Variants in KCND2 observed in about 807,000 individuals in gnomAD.
KCND2 encodes A-type voltage-gated potassium channel KCND2.
Under a neutral mutation model 54.4 loss-of-function variants are expected in KCND2, and 16 were observed. That is an observed-to-expected ratio of 0.29 (90% confidence interval 0.20 to 0.45). KCND2 has a LOEUF of 0.45. Among genes scored for constraint, KCND2 ranks in the 20% least tolerant of loss-of-function variants. The probability of loss-of-function intolerance (pLI) is 1.00; values close to 1 mark genes in which losing one functional copy is unlikely to be tolerated. For synonymous variants in KCND2, 317 were observed against 310.7 expected (o/e 1.02, Z -0.21); for missense variants, 486 against 824.2 (o/e 0.59, Z 5.02).
At chr7:120,569,007 C>A (rs1792331764) in intron 1 of KCND2, among the ~76,000 whole-genome samples, 1 of 151,972 alleles carries the variant, frequency 6.6e-6, no homozygotes, top group East Asian at 1.9e-4. Context: ...GCACCCCCAG[C>A]ACTTGCAAAG....
intron 1 of KCND2, among the ~76,000 whole-genome samples, chr7:120,629,408 C>T (rs897813624): frequency 6.6e-6 from 1 of 152,072 alleles, no homozygotes; most frequent in South Asian, 2.1e-4. Flanking sequence ...ATGGCGTGAA[C>T]CCGGGAGGCG....
At chr7:120,507,517 T>G (rs534507393) in intron 1 of KCND2, among the ~76,000 whole-genome samples, 7 of 152,056 alleles carry the variant, frequency 4.6e-5, no homozygotes, top group African/African-American at 1.7e-4. Context: ...GAATGTGCAA[T>G]TTATAAATTT....
intron 1 of KCND2, among the ~76,000 whole-genome samples, chr7:120,491,697 C>T (rs1584799890): frequency 1.3e-5 from 2 of 151,894 alleles, no homozygotes; most frequent in Admixed American, 1.3e-4. Flanking sequence ...AAAATGAATT[C>T]TGAAAACTGT....
intron 1 of KCND2, among the ~76,000 whole-genome samples, chr7:120,719,061 A>G (rs940036799): frequency 2.0e-5 from 3 of 152,148 alleles, no homozygotes; most frequent in Non-Finnish European, 4.4e-5. Flanking sequence ...TAGAAACTAG[A>G]TACGTTTTTG....
chr7:120,737,316 AC>A (rs1270544346), intron 2 of KCND2, among the ~76,000 whole-genome samples: 3 of 152,008 alleles, frequency 2.0e-5, no homozygotes, highest in Admixed American at 6.6e-5. Flanking sequence ...ACTTGCTAGA[AC>A]CTGAGAATGA....
At chr7:120,578,913 GTC>G (rs1400683890) in intron 1 of KCND2, among the ~76,000 whole-genome samples, 1 of 127,982 alleles carries the variant, frequency 7.8e-6, no homozygotes, top group Non-Finnish European at 1.6e-5. Flanking sequence ...GCAAGACCCT[GTC>G]TCACACACAC....
chr7:120,703,673 G>A (rs560765569), intron 1 of KCND2, among the ~76,000 whole-genome samples: 1 of 152,300 alleles, frequency 6.6e-6, no homozygotes, highest in South Asian at 2.1e-4. Flanking sequence ...GAGTGAGAAA[G>A]TAGCTATTTA....
At chr7:120,747,383 C>G (rs1042563196) in intron 5 of KCND2, among the ~76,000 whole-genome samples, 3 of 152,042 alleles carry the variant, frequency 2.0e-5, no homozygotes, top group Non-Finnish European at 4.4e-5. Flanking sequence ...CTTTGCTCAG[C>G]CCAGGCTGTC....
chr7:120,653,983 C>T (rs1791770742), intron 1 of KCND2, among the ~76,000 whole-genome samples: 1 of 152,202 alleles, frequency 6.6e-6, no homozygotes, highest in Non-Finnish European at 1.5e-5. Context: ...CGTTTTCTCT[C>T]TACCCAGCTT....
chr7:120,552,205 A>G (rs975203945), intron 1 of KCND2, among the ~76,000 whole-genome samples: 1 of 152,222 alleles, frequency 6.6e-6, no homozygotes, highest in African/African-American at 2.4e-5. Context: ...TTGTACCACA[A>G]GAATTTACAA....
At chr7:120,642,613 A>C (rs1283280413) in intron 1 of KCND2, among the ~76,000 whole-genome samples, 1 of 151,086 alleles carries the variant, frequency 6.6e-6, no homozygotes, top group African/African-American at 2.4e-5. Context: ...TAAGCTTTTA[A>C]AAAGGATGTT....
At chr7:120,435,174 T>C (rs1421037217) in intron 1 of KCND2, among the ~76,000 whole-genome samples, 1 of 151,930 alleles carries the variant, frequency 6.6e-6, no homozygotes, top group Non-Finnish European at 1.5e-5. Flanking sequence ...TGGCTTCATC[T>C]CTACTCATTG....
chr7:120,742,546 G>A lies in KCND2; in HGVS notation c.1411G>A (p.Gly471Ser), dbSNP rs757922549. The stretch of plus-strand genomic sequence containing the variant: ...TGAGCAGGCTTTTGTTAGCAAATCC[G>A]GCTCCAGCTTTGAAACCCAGCACCA... ...EDEQAFVSKS[G>S]SSFETQHHHL... The change falls in exon 4 of 6, where the codon GGC becomes AGC. Residue 471 changes from glycine (G) to serine (S), a missense_variant. Coordinates refer to ENST00000331113, the MANE Select transcript of KCND2 (RefSeq NM_012281.3). 1.6e-5 allele frequency: 26 copies of A among 1,613,386 alleles called. No homozygotes were observed. In the East Asian group the frequency reaches 2.9e-4, roughly 18 times the overall value.
chr7:120,276,586 G>C (rs954082996), intron 1 of KCND2, among the ~76,000 whole-genome samples: 2 of 151,944 alleles, frequency 1.3e-5, no homozygotes, highest in African/African-American at 4.8e-5. Context: ...TAAAATTTGG[G>C]GTCCTAATTT....
intron 1 of KCND2, among the ~76,000 whole-genome samples, chr7:120,300,799 A>G (rs1799575644): frequency 1.3e-5 from 2 of 152,108 alleles, no homozygotes; most frequent in Admixed American, 6.6e-5. Context: ...CACTAGGCAC[A>G]GTGTCTGTGG....
intron 1 of KCND2, among the ~76,000 whole-genome samples, chr7:120,705,089 T>C (rs1356309781): frequency 6.6e-6 from 1 of 152,160 alleles, no homozygotes; most frequent in Non-Finnish European, 1.5e-5. Flanking sequence ...AAATAGTTTT[T>C]AATTCAAGCA....
chr7:120,495,876 T>C (rs1376623483), intron 1 of KCND2, among the ~76,000 whole-genome samples: 1 of 151,954 alleles, frequency 6.6e-6, no homozygotes, highest in Non-Finnish European at 1.5e-5. Context: ...AAAAGTAAAA[T>C]GTGTATCTAT....
chr7:120,333,453 A>G (rs1800096628), intron 1 of KCND2, among the ~76,000 whole-genome samples: 1 of 152,114 alleles, frequency 6.6e-6, no homozygotes, highest in Non-Finnish European at 1.5e-5. Context: ...AAAATATAAC[A>G]TGGACAGATT....
At chr7:120,621,276 C>CAAAAAAAAAAAAAAAAAAAAAAA (rs1175736454) in intron 1 of KCND2, among the ~76,000 whole-genome samples, 3 of 47,192 alleles carry the variant, frequency 6.4e-5, no homozygotes, top group African/African-American at 2.1e-4. Context: ...GACTCCGTCT[C>CAAAAAAAAAAAAAAAAAAAAAAA]AAAAAAAAAA....
Sources: gnomAD v4.1 joint callset for allele counts (sites outside exome capture counted in the v4.1 genomes callset) on GRCh38, gnomAD v4.1.1 for gene constraint, MANE v1.5 for transcripts, NCBI Gene and HGNC (gene_info 2026-07-23, HGNC 2026-07-21) for gene names.